Variants in LOC128706666 observed in about 807,000 individuals in gnomAD.
chr20:10,428,308 T>G, the LOC128706666 span, among the ~76,000 whole-genome samples: 1 of 152,296 alleles, frequency 6.6e-6, no homozygotes, highest in South Asian at 2.1e-4. Context: ...ATAGCCAGAT[T>G]GTTCCAGATC....
chr20:10,420,025 T>G, the LOC128706666 span, among the ~76,000 whole-genome samples: 38 of 152,326 alleles, frequency 2.5e-4, no homozygotes, highest in South Asian at 1.2e-3. Flanking sequence ...TTTTGAGAAC[T>G]TTTTGAATTT....
chr20:10,433,107 G>GATTCAAGCT, the LOC128706666 span, among the ~76,000 whole-genome samples: 2 of 152,216 alleles, frequency 1.3e-5, no homozygotes, highest in African/African-American at 4.8e-5. Flanking sequence ...GGGCTCAAGC[G>GATTCAAGCT]ATTCTCCTGC....
At chr20:10,426,977 A>G in the LOC128706666 span, among the ~76,000 whole-genome samples, 2 of 151,214 alleles carry the variant, frequency 1.3e-5, no homozygotes, top group East Asian at 3.9e-4. Context: ...CTACCTCATT[A>G]TAAATACTGT....
At chr20:10,419,063 T>A in the LOC128706666 span, among the ~76,000 whole-genome samples, 1 of 152,120 alleles carries the variant, frequency 6.6e-6, no homozygotes, top group African/African-American at 2.4e-5. Context: ...AAATCTTGAT[T>A]TAAAATATTG....
chr20:10,414,066 A>ATG, the LOC128706666 span: 1 of 370,908 alleles, frequency 2.7e-6, no homozygotes, highest in Non-Finnish European at 4.7e-6. Flanking sequence ...CGTCCAGAAA[A>ATG]TGAGAAAGGT....
chr20:10,413,800 G>A, the LOC128706666 span: 1 of 541,332 alleles, frequency 1.8e-6, no homozygotes, highest in East Asian at 2.9e-5. Flanking sequence ...GCAGACCTCT[G>A]CAAAAAGTAT....
At chr20:10,424,455 T>C in the LOC128706666 span, among the ~76,000 whole-genome samples, 1 of 152,234 alleles carries the variant, frequency 6.6e-6, no homozygotes, top group East Asian at 1.9e-4. Context: ...ACTACTTCAT[T>C]TCTTTCACTT....
chr20:10,422,569 TG>T, the LOC128706666 span, among the ~76,000 whole-genome samples: 1 of 152,190 alleles, frequency 6.6e-6, no homozygotes. Context: ...TCAGCTGGCC[TG>T]TGTTGATTGA....
At chr20:10,433,561 T>C in the LOC128706666 span, among the ~76,000 whole-genome samples, 4 of 152,186 alleles carry the variant, frequency 2.6e-5, no homozygotes, top group African/African-American at 9.7e-5. Flanking sequence ...GGGTATGGTC[T>C]TATCGGGGAG....
the LOC128706666 span, among the ~76,000 whole-genome samples, chr20:10,424,693 A>G: frequency 0.067 from 10,163 of 152,228 alleles, 375 homozygotes; most frequent in East Asian, 0.17. Flanking sequence ...AATCAAACAT[A>G]TTTTGGGGAT....
At chr20:10,424,779 C>T in the LOC128706666 span, among the ~76,000 whole-genome samples, 4 of 151,966 alleles carry the variant, frequency 2.6e-5, no homozygotes, top group Non-Finnish European at 5.9e-5. Context: ...GAGCAGGGCA[C>T]GGTGGCTCAT....
the LOC128706666 span, among the ~76,000 whole-genome samples, chr20:10,423,823 T>G: frequency 6.6e-6 from 1 of 152,254 alleles, no homozygotes. Flanking sequence ...GTATCTATTT[T>G]AACTGAAAAC....
chr20:10,426,389 G>A, the LOC128706666 span, among the ~76,000 whole-genome samples: 209 of 151,986 alleles, frequency 1.4e-3, 1 homozygote, highest in African/African-American at 4.8e-3. Flanking sequence ...CTAGCTTGGG[G>A]CATCATGCCT....
At chr20:10,417,174 C>T in the LOC128706666 span, among the ~76,000 whole-genome samples, 1 of 150,628 alleles carries the variant, frequency 6.6e-6, no homozygotes, top group Non-Finnish European at 1.5e-5. Flanking sequence ...TCACTTCAAC[C>T]CAGAAGGCAG....
the LOC128706666 span, among the ~76,000 whole-genome samples, chr20:10,416,926 T>C: frequency 2.0e-5 from 3 of 152,226 alleles, no homozygotes; most frequent in African/African-American, 7.2e-5. Context: ...AGGGTTGGTA[T>C]AGACACTATA....
At chr20:10,420,996 T>A in the LOC128706666 span, among the ~76,000 whole-genome samples, 1 of 152,176 alleles carries the variant, frequency 6.6e-6, no homozygotes, top group Non-Finnish European at 1.5e-5. Flanking sequence ...TTGGCAACAA[T>A]TGCAAAGGAG....
chr20:10,424,249 A>G, the LOC128706666 span, among the ~76,000 whole-genome samples: 1 of 151,808 alleles, frequency 6.6e-6, no homozygotes. Flanking sequence ...AAAAAAATAT[A>G]TATTAAATAA....
At chr20:10,429,292 T>C in the LOC128706666 span, among the ~76,000 whole-genome samples, 1 of 152,188 alleles carries the variant, frequency 6.6e-6, no homozygotes, top group Non-Finnish European at 1.5e-5. Context: ...CAGGACTCTA[T>C]ACTGTTCCTT....
the LOC128706666 span, among the ~76,000 whole-genome samples, chr20:10,419,822 G>A: frequency 6.6e-6 from 1 of 152,108 alleles, no homozygotes; most frequent in African/African-American, 2.4e-5. Context: ...TCAGAAAGGT[G>A]CATAATTTAA....
Sources: gnomAD v4.1 joint callset for allele counts (sites outside exome capture counted in the v4.1 genomes callset) on GRCh38, gnomAD v4.1.1 for gene constraint, MANE v1.5 for transcripts.